The following BACE2 variants were observed in gnomAD, a reference collection of about 807,000 sequenced individuals.
The protein encoded by BACE2 is beta-secretase 2.
In BACE2, 17 loss-of-function variants were observed where a neutral mutation model predicts 46.2. The ratio of observed to expected loss-of-function variants is 0.37; its 90% CI spans 0.25 to 0.55. The LOEUF (loss-of-function observed/expected upper bound fraction) is 0.55. BACE2 is among the 20% of genes least tolerant of loss of function. The pLI, the probability that BACE2 is intolerant of heterozygous loss-of-function variation, is 0.82. For missense variants in BACE2, 595 were observed against 698.1 expected (o/e 0.85, Z 1.66); for synonymous variants, 277 against 295.9 (o/e 0.94, Z 0.66).
At chr21:41,179,762 G>T in intron 1 of BACE2, 1 of 790,268 alleles carries the variant, frequency 1.3e-6, no homozygotes, top group Non-Finnish European at 1.9e-6. Flanking sequence ...GTGTGGGGTG[G>T]GGTGGAGAAG....
At chr21:41,239,701 G>A (rs2123598602) in intron 3 of BACE2, among the ~76,000 whole-genome samples, 1 of 152,324 alleles carries the variant, frequency 6.6e-6, no homozygotes. Flanking sequence ...TTCAAGATGT[G>A]GGGATTGAGG....
chr21:41,204,593 C>T (rs1228653978), intron 1 of BACE2, among the ~76,000 whole-genome samples: 2 of 152,198 alleles, frequency 1.3e-5, no homozygotes, highest in Non-Finnish European at 2.9e-5. Context: ...GGCTGTCACA[C>T]GTATGTTGAA....
At chr21:41,260,064 A>G (rs919400019) in intron 8 of BACE2, among the ~76,000 whole-genome samples, 1 of 151,976 alleles carries the variant, frequency 6.6e-6, no homozygotes, top group African/African-American at 2.4e-5. Context: ...TCCCAGGCTC[A>G]AGTGATTGAC....
chr21:41,223,284 A>G (rs1986711863), intron 1 of BACE2, among the ~76,000 whole-genome samples: 1 of 151,140 alleles, frequency 6.6e-6, no homozygotes, highest in Non-Finnish European at 1.5e-5. Context: ...TGAGCCCAGG[A>G]GTTTGAGGCT....
intron 1 of BACE2, among the ~76,000 whole-genome samples, chr21:41,203,160 G>T (rs767572423): frequency 1.3e-5 from 2 of 152,200 alleles, no homozygotes; most frequent in Non-Finnish European, 2.9e-5. Flanking sequence ...ACAACATGTT[G>T]TAGGCATGGT....
At chr21:41,229,710 C>A (rs1281920833) in intron 2 of BACE2, among the ~76,000 whole-genome samples, 4 of 152,230 alleles carry the variant, frequency 2.6e-5, no homozygotes, top group Admixed American at 2.0e-4. Context: ...CTCTTTCAGG[C>A]TACCGTGGGA....
chr21:41,186,397 G>C (rs112685254), intron 1 of BACE2: 1 of 152,220 alleles, frequency 6.6e-6, no homozygotes. Flanking sequence ...GTTAGAGCTC[G>C]GTAGTGTTAG....
chr21:41,224,274 G>C (rs1460920363), intron 1 of BACE2, among the ~76,000 whole-genome samples: 1 of 141,116 alleles, frequency 7.1e-6, no homozygotes, highest in East Asian at 2.0e-4. Flanking sequence ...GAATGCAGTG[G>C]TGCGATCTCG....
intron 1 of BACE2, among the ~76,000 whole-genome samples, chr21:41,200,757 G>A (rs532125971): frequency 7.9e-5 from 12 of 152,150 alleles, no homozygotes; most frequent in African/African-American, 1.2e-4. Context: ...CAGAGGGACC[G>A]CCATGTGAAG....
chr21:41,215,556 G>A (rs1427216155), intron 1 of BACE2, among the ~76,000 whole-genome samples: 3 of 152,236 alleles, frequency 2.0e-5, no homozygotes, highest in Non-Finnish European at 4.4e-5. Context: ...GATTTTCAAG[G>A]TAGAAGACTC....
At chr21:41,239,252 A>T (rs1032741683) in intron 3 of BACE2, among the ~76,000 whole-genome samples, 1 of 152,218 alleles carries the variant, frequency 6.6e-6, no homozygotes, top group Non-Finnish European at 1.5e-5. Context: ...CAGAATCACA[A>T]TTACTGAGAG....
At chr21:41,191,164 T>TAC (rs1364358012) in intron 1 of BACE2, among the ~76,000 whole-genome samples, 1 of 152,206 alleles carries the variant, frequency 6.6e-6, no homozygotes, top group Non-Finnish European at 1.5e-5. Flanking sequence ...ATTCAGAGCA[T>TAC]ACACGGCCTT....
chr21:41,217,698 A>G (rs1986515465), intron 1 of BACE2, among the ~76,000 whole-genome samples: 1 of 152,228 alleles, frequency 6.6e-6, no homozygotes, highest in Non-Finnish European at 1.5e-5. Context: ...CACATCAGCC[A>G]TAGAAGTGGC....
intron 6 of BACE2, among the ~76,000 whole-genome samples, chr21:41,249,699 C>A (rs377078238): frequency 8.5e-5 from 13 of 152,210 alleles, no homozygotes; most frequent in African/African-American, 3.1e-4. Context: ...ACAGACACCC[C>A]CTCCTCCCAG....
intron 2 of BACE2, among the ~76,000 whole-genome samples, chr21:41,228,150 C>T (rs936183225): frequency 6.6e-6 from 1 of 152,236 alleles, no homozygotes; most frequent in African/African-American, 2.4e-5. Flanking sequence ...TCTACATACA[C>T]AGCTCAAAGT....
chr21:41,198,139 G>A (rs140681352), intron 1 of BACE2, among the ~76,000 whole-genome samples: 52 of 152,010 alleles, frequency 3.4e-4, no homozygotes, highest in African/African-American at 1.1e-3. Flanking sequence ...ATACAGGCAC[G>A]CCCCACCACA....
At chr21:41,264,693 A>G (rs960019797) in intron 8 of BACE2, among the ~76,000 whole-genome samples, 1 of 151,242 alleles carries the variant, frequency 6.6e-6, no homozygotes. Flanking sequence ...ACCATTAGAA[A>G]CCACCCCCAT....
intron 3 of BACE2, among the ~76,000 whole-genome samples, chr21:41,238,232 A>G (rs961579155): frequency 1.3e-5 from 2 of 152,220 alleles, no homozygotes; most frequent in African/African-American, 2.4e-5. Context: ...GCCTGAAGGC[A>G]TGCCCTGGGG....
At chr21:41,216,544 C>T (rs1986472549) in intron 1 of BACE2, among the ~76,000 whole-genome samples, 1 of 152,266 alleles carries the variant, frequency 6.6e-6, no homozygotes, top group African/African-American at 2.4e-5. Context: ...TTTGTGTTCC[C>T]TGCCTCTGCG....
Sources: allele counts gnomAD v4.1 joint callset (sites outside exome capture counted in the v4.1 genomes callset), GRCh38; gene constraint gnomAD v4.1.1; transcripts MANE v1.5; gene names NCBI Gene and HGNC (gene_info 2026-07-23, HGNC 2026-07-21).